The following SP4 variants were observed in gnomAD, a reference collection of about 807,000 sequenced individuals.
The protein encoded by SP4 is transcription factor Sp4.
SP4 carries 19 observed loss-of-function variants against 72.8 expected under a neutral mutation model. The observed-to-expected ratio is 0.26, with a 90% confidence interval of 0.18 to 0.38. The LOEUF (loss-of-function observed/expected upper bound fraction) is 0.38, where lower values mean the gene tolerates loss of function less well. Ranked by LOEUF, SP4 falls within the 10% of genes least tolerant of loss-of-function variation. The pLI, the probability that SP4 is intolerant of heterozygous loss-of-function variation, is 1.00. For missense variants in SP4, 1,008 were observed against 926.3 expected (o/e 1.09, Z -1.14); for synonymous variants, 395 against 333.1 (o/e 1.19, Z -2.02).
At chr7:21,483,290 A>G (rs770854383) in intron 5 of SP4, among the ~76,000 whole-genome samples, 34 of 151,646 alleles carry the variant, frequency 2.2e-4, no homozygotes, top group Middle Eastern at 6.9e-3. Flanking sequence ...TATATGATTT[A>G]TATGTTATAC....
At chr7:21,451,106 G>A (rs1023709091) in intron 3 of SP4, among the ~76,000 whole-genome samples, 28 of 152,318 alleles carry the variant, frequency 1.8e-4, no homozygotes, top group African/African-American at 2.6e-4. Context: ...GGGGCTGCAC[G>A]TGCAGTGTGT....
At chr7:21,491,332 T>C (rs774922584) in intron 5 of SP4, among the ~76,000 whole-genome samples, 30 of 152,102 alleles carry the variant, frequency 2.0e-4, no homozygotes, top group Non-Finnish European at 3.7e-4. Context: ...GTCAGTGAGA[T>C]TGAAGATAGA....
intron 3 of SP4, among the ~76,000 whole-genome samples, chr7:21,431,225 T>C (rs1782843726): frequency 6.6e-6 from 1 of 152,148 alleles, no homozygotes; most frequent in African/African-American, 2.4e-5. Flanking sequence ...TTAAACTGAA[T>C]TGGTATATAT....
intron 4 of SP4, among the ~76,000 whole-genome samples, chr7:21,478,545 C>A (rs897540910): frequency 5.9e-5 from 9 of 152,118 alleles, no homozygotes; most frequent in Non-Finnish European, 1.0e-4. Flanking sequence ...CATTATCTGA[C>A]TTTATGATTA....
chr7:21,452,486 A>G (rs571538242), intron 3 of SP4, among the ~76,000 whole-genome samples: 3 of 152,274 alleles, frequency 2.0e-5, no homozygotes, highest in Non-Finnish European at 4.4e-5. Context: ...CAGGTCGGGA[A>G]TCCTGTACAG....
At chr7:21,464,536 C>A (rs1332984089) in intron 3 of SP4, among the ~76,000 whole-genome samples, 1 of 152,028 alleles carries the variant, frequency 6.6e-6, no homozygotes, top group East Asian at 1.9e-4. Context: ...ATCTGATACA[C>A]CCCTGCTCCG....
intron 5 of SP4, among the ~76,000 whole-genome samples, chr7:21,508,667 C>G (rs948915812): frequency 2.0e-5 from 3 of 152,064 alleles, no homozygotes; most frequent in Non-Finnish European, 4.4e-5. Context: ...GCCACTGCCT[C>G]CACCTTTGTA....
At chr7:21,454,897 TAC>T (rs1783714780) in intron 3 of SP4, among the ~76,000 whole-genome samples, 1 of 152,202 alleles carries the variant, frequency 6.6e-6, no homozygotes, top group South Asian at 2.1e-4. Flanking sequence ...AGGGGTGCCA[TAC>T]GCCCCCATTA....
intron 3 of SP4, among the ~76,000 whole-genome samples, chr7:21,436,969 G>A (rs150778694): frequency 0.011 from 1,603 of 152,164 alleles, 31 homozygotes; most frequent in African/African-American, 0.036. Context: ...TTCTCCTCCA[G>A]TTGTCTTTCT....
At position 21,513,939 on chromosome 7, in the gene SP4, A is replaced by G. The variant is rs1782207162; in HGVS notation, c.*2670A>G. ...AGAATCGTAAATTTCAGTGTCCTTT[A>G]TTTGACTCAGTGGGATATAGCTGTT... On this transcript the variant is annotated 3_prime_UTR_variant, in exon 6 of 6. Coordinates refer to ENST00000222584, the MANE Select transcript of SP4 (RefSeq NM_003112.5). 6.6e-6 allele frequency: 1 copy of G among 152,520 alleles called. No homozygotes were observed. The highest frequency in any genetic ancestry group is 6.5e-5 in the Admixed American group (1 of 15,268). 9.4% of individuals were successfully genotyped at this position (152,520 alleles called of 1,614,324 possible).
At chr7:21,470,045 G>A (rs1368649417) in intron 3 of SP4, among the ~76,000 whole-genome samples, 1 of 152,160 alleles carries the variant, frequency 6.6e-6, no homozygotes, top group Non-Finnish European at 1.5e-5. Flanking sequence ...GAGTCAGGGA[G>A]GAAGTGTAGC....
intron 2 of SP4, 31 bp from the exon 3 acceptor site, chr7:21,429,258 C>A: frequency 1.5e-6 from 2 of 1,304,302 alleles, no homozygotes; most frequent in Admixed American, 2.1e-5. Flanking sequence ...TTTTCCCCCC[C>A]CCCTCTCCTT....
intron 5 of SP4, among the ~76,000 whole-genome samples, chr7:21,510,273 T>A (rs1018954): frequency 0.39 from 58,764 of 152,076 alleles, 12,102 homozygotes; most frequent in Non-Finnish European, 0.45. Context: ...CTAACAGTTA[T>A]TCATTGTGCA....
rs148629953 is a variant in SP4 at position 21,430,280 on chromosome 7, C to T, written c.1115C>T (p.Ala372Val). ...ACACCTGCTGCTACTGAGTCTGAAG[C>T]CCAGAGCTCCAGTCAGCTTCAGCCT... is the stretch of plus-strand genomic sequence containing the variant. The part of the protein sequence containing the change: ...SQTPAATESE[A>V]QSSSQLQPNG... The change falls in exon 3 of 6, where the codon GCC (alanine) becomes GTC (valine). Residue 372 changes from alanine to valine, a missense_variant. By Grantham distance (64) the Ala-to-Val change is moderately conservative. Around this residue, in one of 3 missense-constraint regions of SP4, gnomAD observed 893 missense variants for 743.3 expected, o/e 1.20. Transcript: ENST00000222584. 6.8e-5 allele frequency: 109 copies of T among 1,614,092 alleles called. No homozygotes were observed. Among genetic ancestry groups the T allele is most frequent in the Non-Finnish European group, 8.8e-5 (104 of 1,180,054 alleles).
intron 3 of SP4, among the ~76,000 whole-genome samples, chr7:21,466,770 C>T (rs1163978158): frequency 6.6e-6 from 1 of 150,868 alleles, no homozygotes; most frequent in East Asian, 2.0e-4. Context: ...AATTAATAAG[C>T]ATAATTTTCA....
chr7:21,429,867 A>C lies in SP4; in HGVS notation c.702A>C (p.Arg234Ser). 1.2e-6 allele frequency: 2 copies of C among 1,614,082 alleles called. No individual in the cohort carries two copies. The highest frequency in any genetic ancestry group is 1.7e-6 in the Non-Finnish European group (2 of 1,179,964). ...LANQTVPVQI[R>S]PGVSIPLQLQ... ...ATCAGACAGTTCCGGTCCAAATTAG[A>C]CCTGGTGTTTCAATACCACTGCAGT... The change falls in exon 3 of 6, where the codon AGA becomes AGC. Residue 234 changes from arginine to serine, a missense_variant. Physicochemically the swap from Arg to Ser is moderately radical, Grantham distance 110 (BLOSUM62 -1). This residue lies in a region of SP4 where 893 missense variants were observed against 743.3 expected (regional missense o/e 1.20). Transcript: ENST00000222584.
intron 3 of SP4, among the ~76,000 whole-genome samples, chr7:21,462,237 C>A (rs1784017468): frequency 6.6e-6 from 1 of 151,830 alleles, no homozygotes; most frequent in Admixed American, 6.6e-5. Context: ...GTTGCCCAAG[C>A]TAGTTTTGTT....
At chr7:21,502,053 C>T (rs1003792507) in intron 5 of SP4, among the ~76,000 whole-genome samples, 2 of 125,452 alleles carry the variant, frequency 1.6e-5, no homozygotes, top group Admixed American at 8.1e-5. Context: ...CCCCCCCCCC[C>T]GGAACTCCTA....
At chr7:21,437,687 A>T (rs1583378801) in intron 3 of SP4, among the ~76,000 whole-genome samples, 1 of 152,200 alleles carries the variant, frequency 6.6e-6, no homozygotes, top group East Asian at 1.9e-4. Context: ...AGATGGAGGG[A>T]ATTACATACC....
Sources: allele counts gnomAD v4.1 joint callset (sites outside exome capture counted in the v4.1 genomes callset), GRCh38; gene constraint gnomAD v4.1.1; regional missense constraint gnomAD v4.1.1; transcripts MANE v1.5; gene names NCBI Gene and HGNC (gene_info 2026-07-23, HGNC 2026-07-21).